The following CREB5 variants were observed in gnomAD, a reference collection of about 807,000 sequenced individuals.
CREB5 encodes cAMP responsive element binding protein 5.
In CREB5, 19 loss-of-function variants were observed where a neutral mutation model predicts 57.1. The ratio of observed to expected loss-of-function variants is 0.33; its 90% CI spans 0.23 to 0.49. CREB5 has a LOEUF of 0.49. Among genes scored for constraint, CREB5 ranks in the 20% least tolerant of loss-of-function variants. The probability of loss-of-function intolerance (pLI) is 0.99; values close to 1 mark genes in which losing one functional copy is unlikely to be tolerated. For missense variants in CREB5, 579 were observed against 671.6 expected, an observed-to-expected ratio of 0.86 and a Z score of 1.52; for synonymous variants, 238 against 238.3, an observed-to-expected ratio of 1.00 and a Z score of 0.01.
intron 5 of CREB5, among the ~76,000 whole-genome samples, chr7:28,664,182 G>C (rs1799720368): frequency 6.6e-6 from 1 of 152,130 alleles, no homozygotes; most frequent in African/African-American, 2.4e-5. Flanking sequence ...CTCTCTTTCT[G>C]AGAGCTTTCA....
chr7:28,751,496 C>T (rs1217827665), intron 7 of CREB5, among the ~76,000 whole-genome samples: 2 of 152,312 alleles, frequency 1.3e-5, no homozygotes, highest in East Asian at 3.9e-4. Flanking sequence ...TTGTGGTTTG[C>T]AAATATCTAC....
chr7:28,435,043 A>C (rs1788891676), intron 1 of CREB5, among the ~76,000 whole-genome samples: 1 of 151,456 alleles, frequency 6.6e-6, no homozygotes, highest in Non-Finnish European at 1.5e-5. Context: ...ATTCCTCTAA[A>C]AGCAGAGGGA....
intron 4 of CREB5, among the ~76,000 whole-genome samples, chr7:28,560,843 TGC>T (rs71842927): frequency 0.15 from 11,437 of 76,150 alleles, 2,692 homozygotes; most frequent in Admixed American, 0.22. Context: ...CGTGTGTGTG[TGC>T]GCGTGTGTGT....
At chr7:28,362,266 T>C (rs1310480851) in intron 1 of CREB5, among the ~76,000 whole-genome samples, 1 of 152,216 alleles carries the variant, frequency 6.6e-6, no homozygotes, top group African/African-American at 2.4e-5. Flanking sequence ...TGGCTAGTGA[T>C]AAGCACAAAA....
chr7:28,747,632 G>A (rs765089170), intron 7 of CREB5, among the ~76,000 whole-genome samples: 10 of 152,158 alleles, frequency 6.6e-5, no homozygotes, highest in Non-Finnish European at 1.0e-4. Flanking sequence ...CCAGACAGCA[G>A]GCAAAGAAGA....
At chr7:28,756,724 TCTC>T (rs1805334707) in intron 7 of CREB5, among the ~76,000 whole-genome samples, 2 of 152,088 alleles carry the variant, frequency 1.3e-5, no homozygotes, top group African/African-American at 2.4e-5. Flanking sequence ...AAAGCGGCCC[TCTC>T]CTCAAGCACC....
intron 7 of CREB5, among the ~76,000 whole-genome samples, chr7:28,790,428 AAGAGAGAGAGAGAGAGAGAGAGAGAG>A (rs370615013): frequency 8.6e-6 from 1 of 115,696 alleles, no homozygotes; most frequent in South Asian, 2.8e-4. Context: ...GAAAGAAAGA[AAGAGAGAGAGAGAGAGAGAGAGAGAG>A]AGAGAGATAG....
At chr7:28,325,240 A>T (rs1185614368) in intron 1 of CREB5, among the ~76,000 whole-genome samples, 2 of 152,164 alleles carry the variant, frequency 1.3e-5, no homozygotes, top group African/African-American at 4.8e-5. Flanking sequence ...GTGGATCACA[A>T]GGTCAGGAGA....
chr7:28,455,914 G>A (rs1790075169), intron 1 of CREB5, among the ~76,000 whole-genome samples: 1 of 152,176 alleles, frequency 6.6e-6, no homozygotes, highest in African/African-American at 2.4e-5. Context: ...TCACTCCTTG[G>A]TAAGGATGGA....
intron 1 of CREB5, among the ~76,000 whole-genome samples, chr7:28,316,361 C>T (rs1785380236): frequency 6.6e-6 from 1 of 151,748 alleles, no homozygotes; most frequent in East Asian, 1.9e-4. Context: ...AAAACCTGAG[C>T]CAAAAAGCTG....
intron 1 of CREB5, among the ~76,000 whole-genome samples, chr7:28,407,397 G>A (rs1444358685): frequency 6.6e-6 from 1 of 152,104 alleles, no homozygotes; most frequent in Non-Finnish European, 1.5e-5. Flanking sequence ...AACTCGAGTC[G>A]CTGTAGTTAT....
chr7:28,373,689 G>T (rs540994301), intron 1 of CREB5, among the ~76,000 whole-genome samples: 2 of 151,798 alleles, frequency 1.3e-5, no homozygotes, highest in African/African-American at 4.8e-5. Context: ...GCCTCCCAAA[G>T]TACTGGGATT....
At chr7:28,415,377 C>A (rs1200550396) in intron 1 of CREB5, among the ~76,000 whole-genome samples, 3 of 152,176 alleles carry the variant, frequency 2.0e-5, no homozygotes, top group Non-Finnish European at 4.4e-5. Context: ...GCCTCCAGGT[C>A]GGGTGCTCCT....
In CREB5 at chr7:28,507,639, T is replaced by C; in HGVS notation, c.193T>C (p.Phe65Leu). The C allele has an allele frequency of 6.2e-7, 1 of 1,610,284 alleles. No individual in the cohort carries two copies. Among genetic ancestry groups the C allele is most frequent in the Non-Finnish European group, 8.5e-7 (1 of 1,177,354 alleles). The change falls in exon 4 of 11, where the codon TTC (phenylalanine) becomes CTC (leucine). Residue 65 changes from phenylalanine to leucine, a missense_variant. By Grantham distance (22) the Phe-to-Leu change is conservative. Transcript: ENST00000357727. ...LSDQTPTPTR[F>L]LKNCEEVGLF... The stretch of plus-strand genomic sequence containing the variant: ...AGATCAAACTCCGACCCCAACGAGA[T>C]TCCTGAAGAACTGCGAGGAGGTGGG...
chr7:28,791,861 A>C (rs1418760242), intron 7 of CREB5, among the ~76,000 whole-genome samples: 2 of 152,220 alleles, frequency 1.3e-5, no homozygotes, highest in African/African-American at 2.4e-5. Context: ...ATGGTTCCAC[A>C]CTTTCCTCCC....
intron 4 of CREB5, among the ~76,000 whole-genome samples, chr7:28,543,700 T>G (rs1212235044): frequency 6.6e-6 from 1 of 150,796 alleles, no homozygotes; most frequent in Non-Finnish European, 1.5e-5. Flanking sequence ...ATAAAGAAAA[T>G]GGAACTTTTG....
At chr7:28,322,237 T>C (rs1189564597) in intron 1 of CREB5, among the ~76,000 whole-genome samples, 1 of 152,120 alleles carries the variant, frequency 6.6e-6, no homozygotes, top group African/African-American at 2.4e-5. Flanking sequence ...AACGGATTTT[T>C]GAAATTCAGG....
chr7:28,741,617 A>G (rs1804352658), intron 7 of CREB5, among the ~76,000 whole-genome samples: 1 of 152,150 alleles, frequency 6.6e-6, no homozygotes, highest in Non-Finnish European at 1.5e-5. Flanking sequence ...TATTACCATG[A>G]TCTTCGTCAT....
At chr7:28,509,817 G>T (rs1214623083) in intron 4 of CREB5, among the ~76,000 whole-genome samples, 3 of 152,186 alleles carry the variant, frequency 2.0e-5, no homozygotes, top group Admixed American at 1.3e-4. Flanking sequence ...AGGTGTGTGG[G>T]TGGGGAACGG....
Sources: allele counts gnomAD v4.1 joint callset (sites outside exome capture counted in the v4.1 genomes callset), GRCh38; gene constraint gnomAD v4.1.1; transcripts MANE v1.5; gene names NCBI Gene and HGNC (gene_info 2026-07-23, HGNC 2026-07-21).